USP40: variants seen among roughly 807,000 people sequenced by gnomAD.
USP40 encodes the protein ubiquitin carboxyl-terminal hydrolase 40.
Under a neutral mutation model 166.2 loss-of-function variants are expected in USP40, and 143 were observed. That is an observed-to-expected ratio of 0.86 (90% CI 0.75 to 0.99). The LOEUF (loss-of-function observed/expected upper bound fraction) is 0.99, where lower values mean the gene tolerates loss of function less well. Ranked by LOEUF, USP40 falls within the 50% of genes least tolerant of loss-of-function variation. The pLI is 0.00. For synonymous variants in USP40, 498 were observed against 524.0 expected, an observed-to-expected ratio of 0.95 and a Z score of 0.68; for missense variants, 1,444 against 1,479.7, an observed-to-expected ratio of 0.98 and a Z score of 0.40.
intron 26 of USP40, among the ~76,000 whole-genome samples, chr2:233,490,857 T>C (rs762178637): frequency 6.6e-6 from 1 of 152,176 alleles, no homozygotes; most frequent in Non-Finnish European, 1.5e-5. Context: ...ATAAAGTGAA[T>C]GCTTTACAAA....
chr2:233,505,316 A>C (rs1213823740), intron 21 of USP40, among the ~76,000 whole-genome samples: 3 of 152,150 alleles, frequency 2.0e-5, no homozygotes, highest in Non-Finnish European at 2.9e-5. Flanking sequence ...AACCCAAAAG[A>C]AGCAGAAGGG....
rs567396097 is a variant in USP40 at position 233,477,370 on chromosome 2, G to A, written c.*22C>T. The stretch of plus-strand genomic sequence containing the variant: ...GCATCAGCCGGAGAGTTCATCGGGA[G>A]TAGAGCCGTGCAGCGGCGCGGTTAT... On this transcript the variant is annotated 3_prime_UTR_variant, in exon 32 of 32. Coordinates refer to ENST00000678225, the MANE Select transcript of USP40 (RefSeq NM_001365479.2). 2 of 1,608,136 alleles carry A rather than the reference G, an allele frequency of 1.2e-6. No homozygotes were observed. The highest frequency in any genetic ancestry group is 2.7e-5 in the African/African-American group (2 of 74,962).
intron 30 of USP40, 66 bp downstream of exon 30, chr2:233,485,465 G>T: frequency 6.6e-6 from 8 of 1,209,504 alleles, no homozygotes; most frequent in Non-Finnish European, 9.6e-6. Context: ...TCAATAAAAC[G>T]TCTCTATAAA....
chr2:233,563,103 G>T (rs2071808980), intron 2 of USP40, among the ~76,000 whole-genome samples: 1 of 152,076 alleles, frequency 6.6e-6, no homozygotes, highest in Non-Finnish European at 1.5e-5. Flanking sequence ...ACTGTCTATG[G>T]CATCAGGTCC....
At chr2:233,558,632 C>G (rs574040548) in intron 4 of USP40, among the ~76,000 whole-genome samples, 1 of 152,104 alleles carries the variant, frequency 6.6e-6, no homozygotes, top group Non-Finnish European at 1.5e-5. Context: ...TTACTGCTAA[C>G]GGGTATGGAG....
chr2:233,479,871 C>A (rs2064452786), intron 31 of USP40, among the ~76,000 whole-genome samples: 1 of 152,120 alleles, frequency 6.6e-6, no homozygotes, highest in African/African-American at 2.4e-5. Flanking sequence ...CAGCCCAGAC[C>A]CCGGAGAGCA....
Position 233,565,573 on chromosome 2 carries a change from C to A in USP40, c.-19G>T. 1 of 1,529,458 alleles carries A rather than the reference C, an allele frequency of 6.5e-7. No individual in the cohort carries two copies. Among genetic ancestry groups the A allele is most frequent in the Non-Finnish European group, 8.7e-7 (1 of 1,144,724 alleles). The allele number at this position is 1,529,458 out of a possible 1,614,324, so 94.7% of individuals were successfully genotyped here. ...CAAACATTGTGAAACTAAATACTACCCTTAAAAAAAGTGACATATAAATGC... is the reference window on the plus strand; with the variant it reads ...CAAACATTGTGAAACTAAATACTACACTTAAAAAAAGTGACATATAAATGC... On this transcript the variant is annotated splice_region_variant and 5_prime_UTR_variant, in exon 2 of 32. The change creates a new upstream start codon in the 5' untranslated region. Transcript: ENST00000678225.
intron 3 of USP40, chr2:233,560,722 C>G: frequency 2.9e-6 from 1 of 343,282 alleles, no homozygotes; most frequent in Non-Finnish European, 5.3e-6. Context: ...TTAAATATCA[C>G]CACAATAACA....
chr2:233,489,201 C>T (rs2065144449), intron 27 of USP40, among the ~76,000 whole-genome samples, 164 bp downstream of exon 27: 1 of 152,210 alleles, frequency 6.6e-6, no homozygotes, highest in African/African-American at 2.4e-5. Context: ...TGAAGGCCTG[C>T]TGGAGTTTAT....
intron 2 of USP40, among the ~76,000 whole-genome samples, chr2:233,564,723 GTTACATTCCCAGCAGGGTCT>G (rs2071979371): frequency 1.3e-5 from 2 of 152,118 alleles, no homozygotes; most frequent in African/African-American, 4.8e-5. Context: ...TATATAAAAT[GTTACATTCCCAGCAGGGTCT>G]GGGCCAGCTT....
At chr2:233,523,571 G>A (rs1310386639) in intron 15 of USP40, 82 bp from the exon 16 acceptor site, 1 of 1,283,350 alleles carries the variant, frequency 7.8e-7, no homozygotes, top group African/African-American at 1.5e-5. Flanking sequence ...ATTACTCTTA[G>A]AGAACAACCC....
chr2:233,485,647 T>A lies in USP40; in HGVS notation c.3409-21A>T, dbSNP rs768263893. 3 of 1,609,862 alleles carry A rather than the reference T, an allele frequency of 1.9e-6. No homozygotes were observed. The East Asian group carries it at 6.7e-5, about 36-fold the overall frequency. On this transcript the variant is annotated intron_variant, in intron 29 of 31. Coordinates refer to ENST00000678225, the MANE Select transcript of USP40 (RefSeq NM_001365479.2). Reference sequence around the variant, plus strand: ...TGGTTCTATGGGAAAATCAAACATCTTAAATAAGCAAAACTCAACCTCAAG... The same window carrying A: ...TGGTTCTATGGGAAAATCAAACATCATAAATAAGCAAAACTCAACCTCAAG...
chr2:233,565,674 A>C (rs1378505760), intron 1 of USP40, 101 bp from the exon 2 acceptor site: 12 of 1,021,306 alleles, frequency 1.2e-5, no homozygotes, highest in Middle Eastern at 2.6e-4. Context: ...TTCTTAGAAC[A>C]CAGGACTACT....
At chr2:233,549,830 C>G (rs562129863) in intron 7 of USP40, among the ~76,000 whole-genome samples, 13 of 151,952 alleles carry the variant, frequency 8.6e-5, no homozygotes, top group Non-Finnish European at 1.9e-4. Flanking sequence ...GGAAGAGGTT[C>G]TTTCTTGTTT....
chr2:233,520,215 G>A (rs983757236), intron 17 of USP40, among the ~76,000 whole-genome samples: 7 of 152,024 alleles, frequency 4.6e-5, no homozygotes, highest in Middle Eastern at 3.4e-3. Flanking sequence ...GAGTAAAACC[G>A]ATGTCAGACA....
At chr2:233,518,715 T>C (rs1299063156) in intron 18 of USP40, among the ~76,000 whole-genome samples, 1 of 151,960 alleles carries the variant, frequency 6.6e-6, no homozygotes, top group Non-Finnish European at 1.5e-5. Context: ...AAGTTAAACA[T>C]AAATTTGCAA....
chr2:233,501,978 C>T (rs181099008), intron 21 of USP40, among the ~76,000 whole-genome samples: 2 of 152,286 alleles, frequency 1.3e-5, no homozygotes, highest in African/African-American at 4.8e-5. Flanking sequence ...TTGTGGTCTT[C>T]TGGAGCCCAG....
At chr2:233,505,303 C>T (rs1415823160) in intron 21 of USP40, among the ~76,000 whole-genome samples, 1 of 151,976 alleles carries the variant, frequency 6.6e-6, no homozygotes, top group Non-Finnish European at 1.5e-5. Context: ...TAAGGACAAA[C>T]TAAACCCAAA....
intron 10 of USP40, among the ~76,000 whole-genome samples, chr2:233,534,419 T>G (rs142372751): frequency 6.6e-6 from 1 of 152,308 alleles, no homozygotes; most frequent in East Asian, 1.9e-4. Flanking sequence ...CTCTTTAACC[T>G]CTGTCTGGCC....
Sources: allele counts gnomAD v4.1 joint callset (sites outside exome capture counted in the v4.1 genomes callset), GRCh38; gene constraint gnomAD v4.1.1; transcripts MANE v1.5; gene names NCBI Gene and HGNC (gene_info 2026-07-23, HGNC 2026-07-21).